The following KCNAB1 variants were observed in gnomAD, a reference collection of about 807,000 sequenced individuals.
The protein encoded by KCNAB1 is voltage-gated potassium channel subunit beta-1.
KCNAB1 carries 35 observed loss-of-function variants against 64.6 expected under a neutral mutation model. The ratio of observed to expected loss-of-function variants is 0.54; its 90% CI spans 0.41 to 0.72. The LOEUF is 0.72. KCNAB1 is among the 30% of genes least tolerant of loss of function. KCNAB1 has a pLI of 0.00. For synonymous variants in KCNAB1, 177 were observed against 183.8 expected, an observed-to-expected ratio of 0.96 and a Z score of 0.30; for missense variants, 401 against 512.9, an observed-to-expected ratio of 0.78 and a Z score of 2.11.
chr3:156,470,802 T>C (rs1286062121), intron 7 of KCNAB1, among the ~76,000 whole-genome samples: 1 of 152,228 alleles, frequency 6.6e-6, no homozygotes. Flanking sequence ...AAAGACAATC[T>C]ATGATTTTTC....
intron 1 of KCNAB1, among the ~76,000 whole-genome samples, chr3:156,233,847 C>G (rs1050192681): frequency 9.9e-5 from 15 of 151,896 alleles, no homozygotes; most frequent in African/African-American, 3.6e-4. Context: ...ACCTAACATG[C>G]TGGAAGAGTG....
intron 1 of KCNAB1, among the ~76,000 whole-genome samples, chr3:156,288,148 T>C (rs1720199335): frequency 6.6e-6 from 1 of 152,174 alleles, no homozygotes; most frequent in Admixed American, 6.5e-5. Flanking sequence ...CTCCTGTGCC[T>C]TCCCATCGTC....
chr3:156,310,370 C>A (rs969340571), intron 1 of KCNAB1, among the ~76,000 whole-genome samples: 13 of 152,162 alleles, frequency 8.5e-5, no homozygotes, highest in African/African-American at 3.1e-4. Context: ...GGGGCAAAGG[C>A]ATAAGTATGA....
intron 1 of KCNAB1, among the ~76,000 whole-genome samples, chr3:156,284,892 G>A (rs961702487): frequency 6.6e-6 from 1 of 152,192 alleles, no homozygotes; most frequent in Non-Finnish European, 1.5e-5. Flanking sequence ...GATGAACCCG[G>A]TACCTCAGAT....
At chr3:156,203,758 A>T (rs897670885) in intron 1 of KCNAB1, among the ~76,000 whole-genome samples, 1 of 152,180 alleles carries the variant, frequency 6.6e-6, no homozygotes, top group Non-Finnish European at 1.5e-5. Context: ...TTTTATCTGA[A>T]AGTATTTTTT....
intron 1 of KCNAB1, among the ~76,000 whole-genome samples, chr3:156,312,328 T>C (rs962728489): frequency 1.3e-5 from 2 of 152,228 alleles, no homozygotes; most frequent in Non-Finnish European, 2.9e-5. Context: ...CCAGAGGTTT[T>C]AAATAGCGTG....
At chr3:156,377,351 C>T (rs1216767662) in intron 1 of KCNAB1, among the ~76,000 whole-genome samples, 1 of 152,114 alleles carries the variant, frequency 6.6e-6, no homozygotes, top group Non-Finnish European at 1.5e-5. Flanking sequence ...GAGGGATGAG[C>T]CCCTCCCGAG....
chr3:156,367,063 T>C (rs949788183), intron 1 of KCNAB1, among the ~76,000 whole-genome samples: 1 of 152,186 alleles, frequency 6.6e-6, no homozygotes, highest in Non-Finnish European at 1.5e-5. Context: ...TCCTTGAATT[T>C]GAATAGAAAA....
At chr3:156,235,878 G>T (rs1304511200) in intron 1 of KCNAB1, among the ~76,000 whole-genome samples, 1 of 152,078 alleles carries the variant, frequency 6.6e-6, no homozygotes, top group African/African-American at 2.4e-5. Context: ...GTCTCTGAAG[G>T]TGGGGGCTAT....
intron 13 of KCNAB1, among the ~76,000 whole-genome samples, chr3:156,534,499 G>C (rs1234673968): frequency 6.6e-6 from 1 of 152,068 alleles, no homozygotes; most frequent in Non-Finnish European, 1.5e-5. Flanking sequence ...TCACCCATCA[G>C]AGAAGGCCAG....
At chr3:156,221,377 G>T (rs1394806972) in intron 1 of KCNAB1, among the ~76,000 whole-genome samples, 2 of 152,116 alleles carry the variant, frequency 1.3e-5, no homozygotes, top group East Asian at 3.9e-4. Context: ...AAAGCATCAG[G>T]TAACCTATAA....
rs1403462365 is a variant in KCNAB1, at chr3:156,182,706, T to TTA, written c.275+61821_275+61822insAT. 2.0e-5 allele frequency among the ~76,000 whole-genome samples: 3 copies of TTA among 150,558 alleles called. No individual in the cohort carries two copies. In the East Asian group the frequency reaches 5.9e-4, roughly 29 times the overall value. The stretch of plus-strand genomic sequence containing the variant: ...CCTAAAGTAAGACAATTTTTTTTTT[T>TTA]TTTTTTTATTTTGCGGAGTCTCTCT... On this transcript the variant is annotated intron_variant, in intron 1 of 13. Transcript: ENST00000490337.
rs538464133 is a variant in KCNAB1, at chr3:156,174,496, C to T, written c.275+53610C>T. Among the ~76,000 whole-genome samples the T allele has an allele frequency of 3.9e-5, 6 of 152,324 alleles. No homozygotes were observed. The South Asian group carries it at 1.2e-3, about 32-fold the overall frequency. ...ACAGTATTCAGCAAAATAAAATTCT[C>T]CCAGCAGAGAATGCCATGCTTCTTT... On this transcript the variant is annotated intron_variant, in intron 1 of 13. Coordinates refer to ENST00000490337, the MANE Select transcript of KCNAB1 (RefSeq NM_172160.3).
chr3:156,259,131 AACCATTTCAAC>A (rs1316640887), intron 1 of KCNAB1, among the ~76,000 whole-genome samples: 1 of 152,230 alleles, frequency 6.6e-6, no homozygotes, highest in Non-Finnish European at 1.5e-5. Flanking sequence ...TGTAGAAGCA[AACCATTTCAAC>A]ACCCTGGCAG....
chr3:156,134,570 G>A (rs1714194655), intron 1 of KCNAB1, among the ~76,000 whole-genome samples: 1 of 152,218 alleles, frequency 6.6e-6, no homozygotes, highest in Admixed American at 6.5e-5. Context: ...TCTAAAAAAG[G>A]TGATCTCTAC....
intron 5 of KCNAB1, among the ~76,000 whole-genome samples, chr3:156,461,732 C>T (rs1712924990): frequency 6.6e-6 from 1 of 152,176 alleles, no homozygotes; most frequent in African/African-American, 2.4e-5. Context: ...TATCACTCTC[C>T]ATAGCTGCAG....
chr3:156,432,996 C>T (rs978301483), intron 2 of KCNAB1, among the ~76,000 whole-genome samples: 8 of 152,158 alleles, frequency 5.3e-5, no homozygotes, highest in Admixed American at 1.3e-4. Context: ...ATGTTGCCTG[C>T]GTCTCAGTTT....
chr3:156,400,309 C>T (rs1279430767), intron 1 of KCNAB1, among the ~76,000 whole-genome samples: 1 of 152,196 alleles, frequency 6.6e-6, no homozygotes, highest in East Asian at 1.9e-4. Flanking sequence ...AGATAACCAC[C>T]ACTGTGCCTC....
At chr3:156,358,436 G>T in intron 1 of KCNAB1, among the ~76,000 whole-genome samples, 1 of 152,240 alleles carries the variant, frequency 6.6e-6, no homozygotes, top group South Asian at 2.1e-4. Context: ...CAGAGCAGGA[G>T]CCCAGAGGAA....
Sources: allele counts gnomAD v4.1 joint callset (sites outside exome capture counted in the v4.1 genomes callset), GRCh38; gene constraint gnomAD v4.1.1; transcripts MANE v1.5; gene names NCBI Gene and HGNC (gene_info 2026-07-23, HGNC 2026-07-21).